Variants in MYO5A observed in about 807,000 individuals in gnomAD.
MYO5A encodes myosin VA.
In MYO5A, 98 loss-of-function variants were observed where a neutral mutation model predicts 249.7. That is an observed-to-expected ratio of 0.39 (90% CI 0.33 to 0.46). The LOEUF is 0.46. Ranked by LOEUF, MYO5A falls within the 20% of genes least tolerant of loss-of-function variation. The probability of loss-of-function intolerance (pLI) is 0.98; values close to 1 mark genes in which losing one functional copy is unlikely to be tolerated. For synonymous variants in MYO5A, 778 were observed against 810.6 expected (o/e 0.96, Z 0.68); for missense variants, 1,696 against 2,308.8 (o/e 0.73, Z 5.44).
chr15:52,323,516 AC>A, intron 36 of MYO5A, 72 bp from the exon 37 acceptor site: 1 of 1,018,612 alleles, frequency 9.8e-7, no homozygotes, highest in Non-Finnish European at 1.5e-6. Flanking sequence ...TTGAACAGAT[AC>A]CAAAAGACCC....
chr15:52,484,358 T>C (rs1014383897), intron 1 of MYO5A, among the ~76,000 whole-genome samples: 1 of 152,186 alleles, frequency 6.6e-6, no homozygotes, highest in Non-Finnish European at 1.5e-5. Context: ...AAAATAAGAA[T>C]GTGGATCTGT....
chr15:52,444,005 T>G (rs1002801548), intron 1 of MYO5A, among the ~76,000 whole-genome samples: 1 of 151,742 alleles, frequency 6.6e-6, no homozygotes, highest in African/African-American at 2.4e-5. Context: ...GAAAATCAAG[T>G]TCAAGTCAGC....
At chr15:52,401,762 T>C (rs1340623202) in intron 9 of MYO5A, among the ~76,000 whole-genome samples, 2 of 152,238 alleles carry the variant, frequency 1.3e-5, no homozygotes, top group South Asian at 2.1e-4. Flanking sequence ...CTCTCTCTTC[T>C]CTCCTTTATG....
intron 3 of MYO5A, among the ~76,000 whole-genome samples, chr15:52,427,140 CT>C (rs72034923): frequency 0.15 from 22,789 of 150,656 alleles, 1,797 homozygotes; most frequent in Middle Eastern, 0.22. Flanking sequence ...ATTGTTTTTC[CT>C]TTTTTTATAC....
At chr15:52,516,340 T>C (rs1186751476) in intron 1 of MYO5A, among the ~76,000 whole-genome samples, 1 of 152,210 alleles carries the variant, frequency 6.6e-6, no homozygotes, top group Non-Finnish European at 1.5e-5. Context: ...CACTATTATT[T>C]GATAATTTAC....
chr15:52,338,220 T>G (rs1254711641), intron 32 of MYO5A, among the ~76,000 whole-genome samples: 1 of 130,780 alleles, frequency 7.6e-6, no homozygotes. Context: ...CACAACTTGC[T>G]GCACTTTTTT....
intron 24 of MYO5A, among the ~76,000 whole-genome samples, chr15:52,362,616 T>C (rs1286563710): frequency 6.6e-6 from 1 of 152,204 alleles, no homozygotes; most frequent in Non-Finnish European, 1.5e-5. Flanking sequence ...TCTGACCATT[T>C]TGTCTCCCAA....
chr15:52,354,102 T>C (rs1275838504), intron 25 of MYO5A, 88 bp from the exon 26 acceptor site: 9 of 1,456,926 alleles, frequency 6.2e-6, no homozygotes, highest in African/African-American at 4.2e-5. Context: ...AATGGAAAAA[T>C]AGGCAAACTT....
At chr15:52,335,035 A>C (rs1184018412) in intron 34 of MYO5A, among the ~76,000 whole-genome samples, 1 of 152,224 alleles carries the variant, frequency 6.6e-6, no homozygotes, top group East Asian at 1.9e-4. Context: ...TGAAAACCAC[A>C]CTTGGAGTTA....
At chr15:52,322,881 G>A (rs954507472) in intron 37 of MYO5A, among the ~76,000 whole-genome samples, 4 of 150,310 alleles carry the variant, frequency 2.7e-5, no homozygotes, top group African/African-American at 7.4e-5. Context: ...TGCACAATGT[G>A]CAGGTTAGTT....
Position 52,389,366 on chromosome 15 carries a change from A to G in MYO5A, c.1543-3T>C, listed in dbSNP as rs1161733093. The G allele has an allele frequency of 1.2e-6, 2 of 1,610,338 alleles. No homozygotes were observed. Among genetic ancestry groups the G allele is most frequent in the Non-Finnish European group, 1.7e-6 (2 of 1,177,890 alleles). On this transcript the variant is annotated splice_polypyrimidine_tract_variant and splice_region_variant and intron_variant, in intron 12 of 41. Coordinates refer to ENST00000399233, the MANE Select transcript of MYO5A (RefSeq NM_001382347.1). ...GTGTCATCTGTGCCTTTAGGCATCTATATTCATGGAAAAAAGGAAGAAAGA... is the reference window on the plus strand; with the variant it reads ...GTGTCATCTGTGCCTTTAGGCATCTGTATTCATGGAAAAAAGGAAGAAAGA...
intron 1 of MYO5A, among the ~76,000 whole-genome samples, chr15:52,446,328 T>C (rs1321881701): frequency 1.3e-5 from 2 of 152,266 alleles, no homozygotes; most frequent in Non-Finnish European, 2.9e-5. Flanking sequence ...CTTTGAAGAA[T>C]GCAAGCCATA....
At chr15:52,514,682 G>C (rs1016069679) in intron 1 of MYO5A, among the ~76,000 whole-genome samples, 6 of 152,146 alleles carry the variant, frequency 3.9e-5, no homozygotes, top group African/African-American at 1.4e-4. Flanking sequence ...TTCAGCACAG[G>C]CATCACCTGG....
At chr15:52,319,966 T>C (rs1596276740) in intron 38 of MYO5A, among the ~76,000 whole-genome samples, 1 of 152,196 alleles carries the variant, frequency 6.6e-6, no homozygotes, top group African/African-American at 2.4e-5. Context: ...TAGGTAGCAG[T>C]TCGGGTTAAG....
intron 1 of MYO5A, among the ~76,000 whole-genome samples, chr15:52,514,236 T>G (rs1334443414): frequency 1.3e-5 from 2 of 152,178 alleles, no homozygotes; most frequent in Non-Finnish European, 2.9e-5. Flanking sequence ...AAAAAATAAA[T>G]GTGAACCATT....
chr15:52,464,956 A>T (rs572036631), intron 1 of MYO5A, among the ~76,000 whole-genome samples: 1 of 152,326 alleles, frequency 6.6e-6, no homozygotes, highest in South Asian at 2.1e-4. Context: ...TGCTTCCAAA[A>T]TGTCATCCAT....
chr15:52,466,646 C>G (rs1248040955), intron 1 of MYO5A, among the ~76,000 whole-genome samples: 1 of 152,176 alleles, frequency 6.6e-6, no homozygotes, highest in Non-Finnish European at 1.5e-5. Flanking sequence ...TCAGCCCTAA[C>G]CCAGGTATTT....
At chr15:52,452,412 C>G (rs1289549177) in intron 1 of MYO5A, among the ~76,000 whole-genome samples, 1 of 152,114 alleles carries the variant, frequency 6.6e-6, no homozygotes, top group Non-Finnish European at 1.5e-5. Flanking sequence ...GACAGAAGAC[C>G]TATCTTTGCC....
Position 52,343,209 on chromosome 15 carries a change from A to G in MYO5A, c.3960-12T>C. 2.5e-6 allele frequency: 4 copies of G among 1,606,764 alleles called. No individual in the cohort carries two copies. Among genetic ancestry groups the G allele is most frequent in the Non-Finnish European group, 3.4e-6 (4 of 1,173,266 alleles). ...CCAGAGCAGATGATCTTCCATGCAAAAGGAACAACAATGCAAAACACAAAA... is the reference window on the plus strand; with the variant it reads ...CCAGAGCAGATGATCTTCCATGCAAGAGGAACAACAATGCAAAACACAAAA... On this transcript the variant is annotated splice_polypyrimidine_tract_variant and intron_variant, in intron 30 of 41. Transcript: ENST00000399233.
Sources: gnomAD v4.1 joint callset for allele counts (sites outside exome capture counted in the v4.1 genomes callset) on GRCh38, gnomAD v4.1.1 for gene constraint, MANE v1.5 for transcripts, NCBI Gene and HGNC (gene_info 2026-07-23, HGNC 2026-07-21) for gene names.